Variants in CENPP observed in about 807,000 individuals in gnomAD.
CENPP encodes the protein centromere protein P.
In CENPP, 24 loss-of-function variants were observed where a neutral mutation model predicts 35.6. That is an observed-to-expected ratio of 0.67 (90% CI 0.49 to 0.95). CENPP has a LOEUF of 0.95. Among genes scored for constraint, CENPP ranks in the 40% least tolerant of loss-of-function variants. The pLI is 0.00. For synonymous variants in CENPP, 120 were observed against 125.5 expected (o/e 0.96, Z 0.29); for missense variants, 332 against 345.3 (o/e 0.96, Z 0.31).
At chr9:92,411,080 C>T (rs966772376) in intron 5 of CENPP, among the ~76,000 whole-genome samples, 3 of 151,956 alleles carry the variant, frequency 2.0e-5, no homozygotes, top group Non-Finnish European at 2.9e-5. Flanking sequence ...GTTCACACCT[C>T]TCCTGCCTCA....
rs558656578 is a variant in CENPP at position 92,387,303 on chromosome 9, G to C, written c.564+7444G>C. 4.6e-5 allele frequency among the ~76,000 whole-genome samples: 7 copies of C among 151,888 alleles called. No individual in the cohort carries two copies. In the South Asian group the frequency reaches 1.5e-3, roughly 32 times the overall value. On this transcript the variant is annotated intron_variant, in intron 5 of 7. Transcript: ENST00000375587. ...AGGCAGGAGAATTGCTTGAACCCAGGGGGTGGAGGTTGCAGTGAGCCGAGA... is the reference window on the plus strand; with the variant it reads ...AGGCAGGAGAATTGCTTGAACCCAGCGGGTGGAGGTTGCAGTGAGCCGAGA...
chr9:92,392,083 G>A (rs1416259015), intron 5 of CENPP, among the ~76,000 whole-genome samples: 1 of 151,942 alleles, frequency 6.6e-6, no homozygotes, highest in Non-Finnish European at 1.5e-5. Flanking sequence ...TAGTGATCTA[G>A]GACTGGGATT....
At chr9:92,524,172 T>A (rs189199787) in intron 5 of CENPP, among the ~76,000 whole-genome samples, 20 of 152,340 alleles carry the variant, frequency 1.3e-4, no homozygotes, top group Non-Finnish European at 2.6e-4. Flanking sequence ...TGTGCTTTTA[T>A]TCTCTAGCTT....
At chr9:92,464,693 T>G in intron 5 of CENPP, 1 of 660,152 alleles carries the variant, frequency 1.5e-6, no homozygotes, top group South Asian at 1.5e-5. Flanking sequence ...GTTCATTGCT[T>G]CTTAATGTTT....
At position 92,474,960 on chromosome 9, in the gene CENPP, A is replaced by G. The variant is rs936535126; in HGVS notation, c.564+95101A>G. On this transcript the variant is annotated intron_variant, in intron 5 of 7. Coordinates refer to ENST00000375587, the MANE Select transcript of CENPP (RefSeq NM_001012267.3). ...GACATGGGATATTAAATTTAAATGG[A>G]TATAATTCCTGCATATATACATTTC... is the stretch of plus-strand genomic sequence containing the variant. The G allele has an allele frequency of 8.7e-6, 13 of 1,499,224 alleles. No homozygotes were observed. The African/African-American group carries it at 1.9e-4, about 21-fold the overall frequency. The allele number at this position is 1,499,224 out of a possible 1,614,324, so 92.9% of individuals were successfully genotyped here.
chr9:92,480,153 C>A (rs983682533), intron 5 of CENPP, among the ~76,000 whole-genome samples: 12 of 152,146 alleles, frequency 7.9e-5, no homozygotes, highest in African/African-American at 2.9e-4. Flanking sequence ...CAATATTTCC[C>A]TGATTTAGAC....
chr9:92,403,208 C>A, intron 5 of CENPP: 1 of 1,470,150 alleles, frequency 6.8e-7, no homozygotes, highest in Non-Finnish European at 9.3e-7. Flanking sequence ...ATTTTAGAAG[C>A]TAAATTTAGA....
In CENPP at chr9:92,425,037, T is replaced by C. The variant is rs578103811; in HGVS notation, c.564+45178T>C. The stretch of plus-strand genomic sequence containing the variant: ...ACACCTAGGTTCATATCAGTACTTC[T>C]ATTTGTTAAAACAAGAAATCAGGAT... On this transcript the variant is annotated intron_variant, in intron 5 of 7. Transcript: ENST00000375587. Among the ~76,000 whole-genome samples the C allele has an allele frequency of 4.6e-5, 7 of 152,358 alleles. No homozygotes were observed. In the East Asian group the frequency reaches 7.7e-4, roughly 17 times the overall value.
chr9:92,359,136 A>G (rs1039288210), intron 4 of CENPP, among the ~76,000 whole-genome samples: 1 of 151,574 alleles, frequency 6.6e-6, no homozygotes, highest in Non-Finnish European at 1.5e-5. Context: ...TTTAGTAGAG[A>G]GGGGGTTTTG....
chr9:92,437,931 TCGAGTAGCTGAGACCACAGGCATGTG>T (rs1844288393), intron 5 of CENPP, among the ~76,000 whole-genome samples: 1 of 148,934 alleles, frequency 6.7e-6, no homozygotes, highest in Admixed American at 6.7e-5. Context: ...CCTCAGCATC[TCGAGTAGCTGAGACCACAGGCATGTG>T]CCTCCACACC....
chr9:92,600,222 A>G, intron 5 of CENPP: 1 of 1,267,532 alleles, frequency 7.9e-7, no homozygotes, highest in Non-Finnish European at 1.0e-6. Flanking sequence ...CCATACAAGA[A>G]CAGAAGGGCG....
At chr9:92,405,281 T>G (rs191543644) in intron 5 of CENPP, among the ~76,000 whole-genome samples, 47 of 151,896 alleles carry the variant, frequency 3.1e-4, no homozygotes, top group Non-Finnish European at 5.5e-4. Flanking sequence ...CAAGCAACTT[T>G]GAAGATTTTT....
chr9:92,491,386 A>C (rs1292630741), intron 5 of CENPP, among the ~76,000 whole-genome samples: 1 of 152,098 alleles, frequency 6.6e-6, no homozygotes, highest in Non-Finnish European at 1.5e-5. Flanking sequence ...CTGGCTCTGT[A>C]AGGTGAAAGG....
intron 5 of CENPP, chr9:92,493,911 C>T (rs1381507650): frequency 2.1e-5 from 10 of 472,800 alleles, no homozygotes; most frequent in East Asian, 3.4e-5. Context: ...GCCCACAGTG[C>T]GTCTGCTCCA....
intron 5 of CENPP, among the ~76,000 whole-genome samples, chr9:92,380,473 TAA>T (rs1842217979): frequency 7.9e-6 from 1 of 126,916 alleles, no homozygotes; most frequent in Non-Finnish European, 1.6e-5. Flanking sequence ...TCAACTTAAA[TAA>T]TATTTCAGGG....
At chr9:92,468,138 G>A (rs899534786) in intron 5 of CENPP, among the ~76,000 whole-genome samples, 2 of 152,192 alleles carry the variant, frequency 1.3e-5, no homozygotes, top group African/African-American at 2.4e-5. Context: ...GAACCTGTGC[G>A]TCAGTGAGAT....
chr9:92,380,353 G>A lies in CENPP; in HGVS notation c.564+494G>A, dbSNP rs78477445. On this transcript the variant is annotated intron_variant, in intron 5 of 7. Transcript: ENST00000375587. ...CCTTTTATTCCCTTTCTTTGTTTTC[G>A]GGCATAACTGAAATTAAGTTTGGTT... 4.3e-3 allele frequency among the ~76,000 whole-genome samples: 650 copies of A among 152,118 alleles called. 4 individuals are homozygous for A. The highest frequency in any genetic ancestry group is 0.013 in the African/African-American group (560 of 41,492).
At chr9:92,326,228 T>C in intron 1 of CENPP, 123 bp downstream of exon 1, 2 of 669,574 alleles carry the variant, frequency 3.0e-6, no homozygotes, top group South Asian at 3.9e-5. Context: ...TGAACTGGCA[T>C]TGATCCTGTC....
intron 5 of CENPP, chr9:92,415,292 T>C: frequency 1.9e-6 from 3 of 1,613,758 alleles, no homozygotes; most frequent in Non-Finnish European, 2.5e-6. Flanking sequence ...ACTTGTGTCT[T>C]TAGTTGTATT....
Sources: gnomAD v4.1 joint callset for allele counts (sites outside exome capture counted in the v4.1 genomes callset) on GRCh38, gnomAD v4.1.1 for gene constraint, MANE v1.5 for transcripts, NCBI Gene and HGNC (gene_info 2026-07-23, HGNC 2026-07-21) for gene names.